Variants in PCDH15 observed in about 807,000 individuals in gnomAD.
PCDH15 encodes protocadherin related 15.
A neutral mutation model predicts 178.5 loss-of-function variants in PCDH15; 129 were observed. The observed-to-expected ratio is 0.72, with a 90% CI of 0.63 to 0.84. The LOEUF (loss-of-function observed/expected upper bound fraction) is 0.84. Ranked by LOEUF, PCDH15 falls within the 40% of genes least tolerant of loss-of-function variation. PCDH15 has a pLI of 0.00. For synonymous variants in PCDH15, 800 were observed against 732.0 expected, an observed-to-expected ratio of 1.09 and a Z score of -1.50; for missense variants, 2,230 against 2,099.9, an observed-to-expected ratio of 1.06 and a Z score of -1.21.
rs543242890 is a variant in PCDH15 at position 54,020,556 on chromosome 10, T to C, written c.2527-140A>G. ...AGACACGTTTTTTGTTTTTGTTTTT[T>C]AAAAAAGCACATTATTTAATAATTT... On this transcript the variant is annotated intron_variant, in intron 19 of 37. Transcript: ENST00000644397. 2.7e-5 allele frequency: 22 copies of C among 828,798 alleles called. No individual in the cohort carries two copies. The African/African-American group carries it at 3.6e-4, about 14-fold the overall frequency. 51.3% of individuals were successfully genotyped at this position (828,798 alleles called of 1,614,324 possible).
chr10:53,806,595 G>A lies in PCDH15; in HGVS notation c.5207C>T (p.Pro1736Leu). The A allele has an allele frequency of 1.2e-6, 2 of 1,611,652 alleles. No individual in the cohort carries two copies. The highest frequency in any genetic ancestry group is 1.7e-6 in the Non-Finnish European group (2 of 1,178,390). ...AAAAATTGGTCACAGTTTTGTCATTGGTATATGGAGGTTGTTCCAGGGGCC... is the reference window on the plus strand; with the variant it reads ...AAAAATTGGTCACAGTTTTGTCATTAGTATATGGAGGTTGTTCCAGGGGCC... ...WMGPWNNLHI[P>L]MTKL is the part of the protein sequence containing the mutation. Residue 1736 changes from proline (P) to leucine (L), a missense_variant, in exon 38 of 38, where the codon CCA becomes CTA. By Grantham distance (98) the Pro-to-Leu change is moderately conservative. Coordinates refer to ENST00000644397, the MANE Select transcript of PCDH15 (RefSeq NM_001384140.1).
At chr10:54,476,971 T>C (rs12221407) in intron 3 of PCDH15, among the ~76,000 whole-genome samples, 7,211 of 152,262 alleles carry the variant, frequency 0.047, 228 homozygotes, top group South Asian at 0.13. Context: ...TTCCTTAATT[T>C]CTGTTCCAAC....
chr10:55,302,202 G>A (rs1426414577), intron 1 of PCDH15, among the ~76,000 whole-genome samples: 1 of 150,240 alleles, frequency 6.7e-6, no homozygotes, highest in Non-Finnish European at 1.5e-5. Context: ...TAATTACCAT[G>A]CTGAATATTC....
At chr10:55,198,441 A>T (rs1362765598) in intron 1 of PCDH15, among the ~76,000 whole-genome samples, 1 of 152,132 alleles carries the variant, frequency 6.6e-6, no homozygotes, top group Non-Finnish European at 1.5e-5. Context: ...AAAAGTGCTC[A>T]TGAGATCTGG....
At chr10:54,838,373 C>T (rs930099544) in intron 3 of PCDH15, among the ~76,000 whole-genome samples, 2 of 152,038 alleles carry the variant, frequency 1.3e-5, no homozygotes, top group African/African-American at 4.8e-5. Context: ...AAGGCAGTTC[C>T]CCTGCACTCG....
intron 10 of PCDH15, among the ~76,000 whole-genome samples, chr10:54,207,502 G>A (rs2050939989): frequency 6.6e-6 from 1 of 151,924 alleles, no homozygotes; most frequent in South Asian, 2.1e-4. Flanking sequence ...AACAAAAGTT[G>A]TAAAAGGTAA....
intron 13 of PCDH15, among the ~76,000 whole-genome samples, chr10:54,157,110 G>T (rs1438246741): frequency 6.6e-6 from 1 of 152,174 alleles, no homozygotes; most frequent in Non-Finnish European, 1.5e-5. Context: ...GCTGTAGGTG[G>T]ATCTACCATT....
chr10:55,278,492 T>A (rs948299179), intron 1 of PCDH15, among the ~76,000 whole-genome samples: 1 of 152,154 alleles, frequency 6.6e-6, no homozygotes, highest in African/African-American at 2.4e-5. Context: ...CCAAAAGTGC[T>A]AGGATTACAG....
intron 23 of PCDH15, among the ~76,000 whole-genome samples, chr10:53,943,220 G>A (rs2086222927): frequency 6.6e-6 from 1 of 151,986 alleles, no homozygotes; most frequent in South Asian, 2.1e-4. Flanking sequence ...CGGGCGCGGT[G>A]GCTCACTCCT....
chr10:54,906,393 A>G (rs1037462679), intron 2 of PCDH15, among the ~76,000 whole-genome samples: 3 of 152,116 alleles, frequency 2.0e-5, no homozygotes, highest in African/African-American at 4.8e-5. Context: ...TATATTTTCA[A>G]TCCAGAACTG....
intron 2 of PCDH15, among the ~76,000 whole-genome samples, chr10:55,162,197 C>T (rs1250390834): frequency 6.6e-6 from 1 of 152,048 alleles, no homozygotes; most frequent in Non-Finnish European, 1.5e-5. Flanking sequence ...GTTATAAGTT[C>T]CGTTAGATGT....
At chr10:55,405,748 A>G (rs1393872023) in intron 2 of PCDH15, among the ~76,000 whole-genome samples, 1 of 152,002 alleles carries the variant, frequency 6.6e-6, no homozygotes, top group Non-Finnish European at 1.5e-5. Context: ...ACTACTCGAA[A>G]ACCTCTGCAG....
chr10:54,148,426 A>G (rs571379804), intron 14 of PCDH15, among the ~76,000 whole-genome samples: 8 of 152,240 alleles, frequency 5.3e-5, no homozygotes, highest in Non-Finnish European at 1.2e-4. Flanking sequence ...GATTACTTGT[A>G]ATACATATAA....
At chr10:55,591,039 A>T (rs1842833573) in intron 2 of PCDH15, among the ~76,000 whole-genome samples, 1 of 152,152 alleles carries the variant, frequency 6.6e-6, no homozygotes, top group Non-Finnish European at 1.5e-5. Context: ...AAGAGGTTCC[A>T]TTGCCTTAAC....
intron 2 of PCDH15, among the ~76,000 whole-genome samples, chr10:55,583,343 A>G (rs189942758): frequency 9.2e-5 from 14 of 152,322 alleles, no homozygotes; most frequent in African/African-American, 3.4e-4. Flanking sequence ...ATTAATTTAT[A>G]TAGCTTCAAT....
intron 2 of PCDH15, among the ~76,000 whole-genome samples, chr10:55,518,624 C>G (rs1203092525): frequency 2.0e-5 from 3 of 152,010 alleles, no homozygotes; most frequent in Admixed American, 6.6e-5. Context: ...AAACACATGC[C>G]TTTCCCTTCA....
chr10:54,907,252 A>G (rs1954740536), intron 2 of PCDH15, among the ~76,000 whole-genome samples: 1 of 152,208 alleles, frequency 6.6e-6, no homozygotes, highest in African/African-American at 2.4e-5. Flanking sequence ...AATATATTCC[A>G]GGTATGCTTC....
chr10:53,822,008 G>GT lies in PCDH15; in HGVS notation c.4368-1779dup, dbSNP rs778380770. On this transcript the variant is annotated intron_variant, in intron 32 of 37. Coordinates refer to ENST00000644397, the MANE Select transcript of PCDH15 (RefSeq NM_001384140.1). Reference sequence around the variant, plus strand: ...GTTCTGAAACATTTGTGCGTAGATAGTTTTTTTCTATTTGACTGTACATGT... The same window carrying GT: ...GTTCTGAAACATTTGTGCGTAGATAGTTTTTTTTCTATTTGACTGTACATGT... 4.3e-6 allele frequency: 7 copies of GT among 1,613,908 alleles called. No homozygotes were observed. Among genetic ancestry groups the GT allele is most frequent in the Middle Eastern group, 1.7e-4 (1 of 6,058 alleles).
At chr10:55,615,321 C>A (rs1045795154) in intron 2 of PCDH15, among the ~76,000 whole-genome samples, 2 of 151,918 alleles carry the variant, frequency 1.3e-5, no homozygotes, top group Non-Finnish European at 2.9e-5. Flanking sequence ...CAGTAGTAAA[C>A]AATAAAAATC....
Sources: gnomAD v4.1 joint callset for allele counts (sites outside exome capture counted in the v4.1 genomes callset) on GRCh38, gnomAD v4.1.1 for gene constraint, MANE v1.5 for transcripts, NCBI Gene and HGNC (gene_info 2026-07-23, HGNC 2026-07-21) for gene names.